The following ADK variants were observed in gnomAD, a reference collection of about 807,000 sequenced individuals.
The protein encoded by ADK is adenosine kinase.
In ADK, 24 loss-of-function variants were observed where a neutral mutation model predicts 44.7. That is an observed-to-expected ratio of 0.54 (90% CI 0.39 to 0.76). The LOEUF (loss-of-function observed/expected upper bound fraction) is 0.76. Ranked by LOEUF, ADK falls within the 30% of genes least tolerant of loss-of-function variation. The probability of loss-of-function intolerance (pLI) is 0.00; values close to 1 mark genes in which losing one functional copy is unlikely to be tolerated. For synonymous variants in ADK, 128 were observed against 142.6 expected, an observed-to-expected ratio of 0.90 and a Z score of 0.73; for missense variants, 321 against 425.1, an observed-to-expected ratio of 0.76 and a Z score of 2.15.
intron 9 of ADK, among the ~76,000 whole-genome samples, chr10:74,648,503 C>A (rs969232475): frequency 6.6e-6 from 1 of 151,768 alleles, no homozygotes; most frequent in Non-Finnish European, 1.5e-5. Flanking sequence ...AATGGTGAAA[C>A]CCCATCTCTA....
chr10:74,350,642 A>G (rs1841933182), intron 4 of ADK, among the ~76,000 whole-genome samples: 1 of 152,194 alleles, frequency 6.6e-6, no homozygotes, highest in Non-Finnish European at 1.5e-5. Flanking sequence ...TTTTTTGAAA[A>G]GATTAACCAA....
chr10:74,571,636 C>A (rs1260554621), intron 7 of ADK, among the ~76,000 whole-genome samples: 2 of 151,984 alleles, frequency 1.3e-5, no homozygotes, highest in East Asian at 3.9e-4. Flanking sequence ...GTGGTGATAT[C>A]CCCTTATTTT....
At chr10:74,370,799 C>G (rs1842633962) in intron 4 of ADK, among the ~76,000 whole-genome samples, 1 of 151,990 alleles carries the variant, frequency 6.6e-6, no homozygotes, top group East Asian at 1.9e-4. Context: ...GTCTTGAACT[C>G]CTGGGCTCAA....
chr10:74,365,205 C>T (rs868096874), intron 4 of ADK, among the ~76,000 whole-genome samples: 1 of 131,356 alleles, frequency 7.6e-6, no homozygotes, highest in Non-Finnish European at 1.7e-5. Context: ...ACAACCACAA[C>T]CATAATTTCT....
intron 4 of ADK, among the ~76,000 whole-genome samples, chr10:74,377,639 G>A (rs532545173): frequency 2.6e-5 from 4 of 152,282 alleles, no homozygotes; most frequent in Non-Finnish European, 5.9e-5. Context: ...AAGTTGGTCA[G>A]CAGTCATGTC....
At chr10:74,300,236 TTCTC>T (rs149691370) in intron 3 of ADK, among the ~76,000 whole-genome samples, 43 of 139,100 alleles carry the variant, frequency 3.1e-4, no homozygotes, top group Non-Finnish European at 5.5e-4. Context: ...GTTTCTTTCT[TTCTC>T]TCTCTCTCTC....
At chr10:74,353,356 A>G (rs553729933) in intron 4 of ADK, among the ~76,000 whole-genome samples, 1 of 152,210 alleles carries the variant, frequency 6.6e-6, no homozygotes, top group African/African-American at 2.4e-5. Context: ...GAGTTGAACA[A>G]TGAGAACACA....
chr10:74,295,418 CT>C (rs1207272844), intron 3 of ADK, among the ~76,000 whole-genome samples: 2 of 151,372 alleles, frequency 1.3e-5, no homozygotes, highest in African/African-American at 4.9e-5. Context: ...GCCAAGATCA[CT>C]TTATTGCACT....
intron 7 of ADK, among the ~76,000 whole-genome samples, chr10:74,557,514 CT>C: frequency 6.6e-6 from 1 of 152,088 alleles, no homozygotes; most frequent in Admixed American, 6.5e-5. Flanking sequence ...AGAGAAAATT[CT>C]TTCATAATTC....
At chr10:74,652,188 C>T (rs1054757966) in intron 9 of ADK, among the ~76,000 whole-genome samples, 1 of 151,434 alleles carries the variant, frequency 6.6e-6, no homozygotes, top group Non-Finnish European at 1.5e-5. Context: ...ATTACAGGTG[C>T]CCACCACCAC....
chr10:74,586,955 C>T (rs1348777383), intron 7 of ADK, among the ~76,000 whole-genome samples: 1 of 150,900 alleles, frequency 6.6e-6, no homozygotes. Context: ...CAGTTAATTT[C>T]TTATATTTGA....
At chr10:74,661,778 T>C (rs1023992306) in intron 9 of ADK, among the ~76,000 whole-genome samples, 2 of 152,266 alleles carry the variant, frequency 1.3e-5, no homozygotes, top group Non-Finnish European at 2.9e-5. Context: ...TATATTGTTC[T>C]TTCCCTTTTT....
intron 6 of ADK, among the ~76,000 whole-genome samples, chr10:74,404,585 G>A (rs1989028549): frequency 6.6e-6 from 1 of 152,152 alleles, no homozygotes; most frequent in Non-Finnish European, 1.5e-5. Context: ...CATGAAAAAT[G>A]TTACCCCATT....
At chr10:74,403,231 T>G (rs1429055351) in intron 6 of ADK, among the ~76,000 whole-genome samples, 1 of 152,168 alleles carries the variant, frequency 6.6e-6, no homozygotes, top group African/African-American at 2.4e-5. Flanking sequence ...TTCTCAGATC[T>G]CAAACTTTGT....
chr10:74,527,818 G>T, intron 7 of ADK: 1 of 1,354,058 alleles, frequency 7.4e-7, no homozygotes, highest in Non-Finnish European at 1.1e-6. Flanking sequence ...CCTTAATAGA[G>T]TGGCCCTCTT....
At chr10:74,352,799 A>T (rs1842008093) in intron 4 of ADK, among the ~76,000 whole-genome samples, 1 of 152,164 alleles carries the variant, frequency 6.6e-6, no homozygotes, top group Admixed American at 6.5e-5. Context: ...CGTGCAACCA[A>T]CAAACATGAA....
At chr10:74,670,085 A>C in intron 9 of ADK, 98 bp from the exon 10 acceptor site, 1 of 940,052 alleles carries the variant, frequency 1.1e-6, no homozygotes, top group Non-Finnish European at 1.7e-6. Context: ...TCTCTCTTTG[A>C]ATGATGAGTG....
chr10:74,483,512 A>C (rs1847150652), intron 6 of ADK, among the ~76,000 whole-genome samples: 1 of 152,220 alleles, frequency 6.6e-6, no homozygotes, highest in Non-Finnish European at 1.5e-5. Flanking sequence ...TCTACAGCCA[A>C]CTTAAATTCC....
At chr10:74,672,549 TTAGA>T (rs1855228831) in intron 10 of ADK, among the ~76,000 whole-genome samples, 1 of 152,166 alleles carries the variant, frequency 6.6e-6, no homozygotes, top group Non-Finnish European at 1.5e-5. Context: ...GGTAATACAA[TTAGA>T]TAGCCATTTT....
Sources: allele counts gnomAD v4.1 joint callset (sites outside exome capture counted in the v4.1 genomes callset), GRCh38; gene constraint gnomAD v4.1.1; transcripts MANE v1.5; gene names NCBI Gene and HGNC (gene_info 2026-07-23, HGNC 2026-07-21).